C3: variants seen among roughly 807,000 people sequenced by gnomAD.
C3 encodes the protein C3 and PZP-like alpha-2-macroglobulin domain-containing protein 1.
C3 carries 97 observed loss-of-function variants against 207.9 expected under a neutral mutation model. That is an observed-to-expected ratio of 0.47 (90% confidence interval 0.40 to 0.55). The LOEUF (loss-of-function observed/expected upper bound fraction) is 0.55, where lower values mean the gene tolerates loss of function less well. Ranked by LOEUF, C3 falls within the 20% of genes least tolerant of loss-of-function variation. The pLI is 0.00. For synonymous variants in C3, 848 were observed against 857.6 expected (o/e 0.99, Z 0.20); for missense variants, 1,684 against 2,171.7 (o/e 0.78, Z 4.46).
intron 27 of C3, among the ~76,000 whole-genome samples, chr19:6,688,581 G>A (rs1599502717): frequency 6.6e-6 from 1 of 151,072 alleles, no homozygotes; most frequent in Non-Finnish European, 1.5e-5. Flanking sequence ...GTGCAGTGGC[G>A]CAATCTCGGC....
intron 26 of C3, among the ~76,000 whole-genome samples, chr19:6,691,305 G>A (rs1918162644): frequency 2.0e-5 from 3 of 152,000 alleles, no homozygotes; most frequent in Admixed American, 6.6e-5. Context: ...CACCTGCCTC[G>A]GCCTCCCACA....
chr19:6,681,958 T>C lies in C3; in HGVS notation c.4333A>G (p.Ile1445Val), dbSNP rs756200539. ...AGCCTTACCTTGTCCAGGTAGATGA[T>C]GAGGGTGTTCCTATCGGAGAAGGCT... Reference protein sequence around the residue: ...DKAFSDRNTLIIYLDKVSHSE... With the variant: ...DKAFSDRNTLVIYLDKVSHSE... The change falls in exon 35 of 41, where the codon ATC (isoleucine) becomes GTC (valine). Residue 1445 changes from isoleucine (I) to valine (V), a missense_variant. Physicochemically the swap from Ile to Val is conservative, Grantham distance 29 (BLOSUM62 3). Around this residue, in one of 3 missense-constraint regions of C3, gnomAD observed 346 missense variants for 380.1 expected, o/e 0.91. Transcript: ENST00000245907. 53 of 1,613,720 alleles carry C rather than the reference T, an allele frequency of 3.3e-5. No homozygotes were observed. Among genetic ancestry groups the C allele is most frequent in the Non-Finnish European group, 4.4e-5 (52 of 1,179,786 alleles).
intron 2 of C3, among the ~76,000 whole-genome samples, chr19:6,718,986 G>T (rs1968107832): frequency 7.3e-6 from 1 of 136,452 alleles, no homozygotes; most frequent in South Asian, 2.9e-4. Context: ...AAGGGGTGGG[G>T]GGGGGTCTCA....
intron 24 of C3, 73 bp downstream of exon 24, chr19:6,694,358 G>A (rs1918252788): frequency 5.1e-6 from 7 of 1,367,560 alleles, no homozygotes; most frequent in Admixed American, 3.4e-5. Context: ...GTCTTGAGAT[G>A]AGGTGGGATC....
chr19:6,710,622 G>A lies in C3; in HGVS notation c.1686+17C>T. 6.5e-7 allele frequency: 1 copy of A among 1,531,516 alleles called. No homozygotes were observed. The highest frequency in any genetic ancestry group is 9.0e-7 in the Non-Finnish European group (1 of 1,114,652). 94.9% of individuals were successfully genotyped at this position (1,531,516 alleles called of 1,614,324 possible). A position where few individuals can be genotyped will look rare whatever the true frequency, so the allele number is the denominator to read the frequency against. On this transcript the variant is annotated intron_variant, in intron 13 of 40. Coordinates refer to ENST00000245907, the MANE Select transcript of C3 (RefSeq NM_000064.4). ...AGGGAGAGGGAGAGGGGGCGAGCGA[G>A]CCCAGGGCACACTTACCGAGCCCAC...
intron 15 of C3, 129 bp from the exon 16 acceptor site, chr19:6,707,666 G>A (rs1311551918): frequency 2.6e-6 from 4 of 1,524,658 alleles, no homozygotes; most frequent in African/African-American, 1.4e-5. Flanking sequence ...CTGAGGCTCA[G>A]AGGGGAGGGA....
chr19:6,681,944 G>C lies in C3; in HGVS notation c.4347C>G (p.Asp1449Glu). 6.2e-7 allele frequency: 1 copy of C among 1,612,778 alleles called. No homozygotes were observed. Among genetic ancestry groups the C allele is most frequent in the Non-Finnish European group, 8.5e-7 (1 of 1,178,858 alleles). The change falls in exon 35 of 41, where the codon GAC (aspartate) becomes GAG (glutamate). Residue 1449 changes from aspartate (D) to glutamate (E), a missense_variant. Physicochemically the swap from Asp to Glu is conservative, Grantham distance 45 (BLOSUM62 2). This residue lies in a region of C3 where 346 missense variants were observed against 380.1 expected (regional missense o/e 0.91). Transcript: ENST00000245907. The stretch of plus-strand genomic sequence containing the variant: ...GGGGAGGATGATGCAGCCTTACCTT[G>C]TCCAGGTAGATGATGAGGGTGTTCC... ...SDRNTLIIYL[D>E]KVSHSEDDCL... is the part of the protein sequence containing the mutation.
intron 24 of C3, 71 bp from the exon 25 acceptor site, chr19:6,693,558 G>GGT (rs1326305214): frequency 7.0e-7 from 1 of 1,421,986 alleles, no homozygotes; most frequent in Non-Finnish European, 9.7e-7. Flanking sequence ...AAAGGGCAGG[G>GGT]GCGGGGTGCA....
Position 6,709,941 on chromosome 19 carries a change from T to TG in C3, c.1687-100dup, listed in dbSNP as rs1367664164. 4.5e-5 allele frequency: 36 copies of TG among 808,628 alleles called. No homozygotes were observed. The Admixed American group carries it at 1.2e-3, about 26-fold the overall frequency. The allele number at this position is 808,628 out of a possible 1,614,324, so 50.1% of individuals were successfully genotyped here. A position where few individuals can be genotyped will look rare whatever the true frequency, so the allele number is the denominator to read the frequency against. On this transcript the variant is annotated intron_variant, in intron 13 of 40. Transcript: ENST00000245907. ...GGCTAGAGTGGAAAGACAGAAAGGTTGGGGGGAGCCGTGGGGCTGGGGAGG... is the reference window on the plus strand; with the variant it reads ...GGCTAGAGTGGAAAGACAGAAAGGTTGGGGGGGAGCCGTGGGGCTGGGGAGG...
chr19:6,682,120 C>T, intron 34 of C3, 22 bp downstream of exon 34: 3 of 1,610,932 alleles, frequency 1.9e-6, no homozygotes, highest in South Asian at 2.2e-5. Context: ...TCCACTTATC[C>T]CAGCTCCTGA....
Position 6,707,141 on chromosome 19 carries a change from CAGTCCAGGA to C in C3, c.2171_2179del (p.Phe724_Asp726del). On this transcript the variant is annotated inframe_deletion, in exon 17 of 41. Coordinates refer to ENST00000245907, the MANE Select transcript of C3 (RefSeq NM_000064.4). ...CCGCAGCTCTGTGATGTAGTTGCAGCAGTCCAGGAAGACCTTCTTGCACGCCTCGCCCAG... is the reference window on the plus strand; with the variant it reads ...CCGCAGCTCTGTGATGTAGTTGCAGCAGACCTTCTTGCACGCCTCGCCCAG... 6.2e-7 allele frequency: 1 copy of C among 1,613,740 alleles called. No homozygotes were observed. Among genetic ancestry groups the C allele is most frequent in the Non-Finnish European group, 8.5e-7 (1 of 1,179,898 alleles).
At position 6,684,796 on chromosome 19, in the gene C3, T is replaced by G; in HGVS notation, c.4008A>C (p.Gly1336=). Residue 1336 remains glycine, a synonymous_variant, in exon 31 of 41, where the codon GGA becomes GGC. Coordinates refer to ENST00000245907, the MANE Select transcript of C3 (RefSeq NM_000064.4). ...TTACCGACAAGGTGCCTTGGCCTTTTCCTTCAGCTGTGACTGTGAAACCCT... is the reference window on the plus strand; with the variant it reads ...TTACCGACAAGGTGCCTTGGCCTTTGCCTTCAGCTGTGACTGTGAAACCCT... The part of the protein sequence containing the change: ...ENEGFTVTAE[G]KGQGTLSVVT... 6.2e-7 allele frequency: 1 copy of G among 1,614,232 alleles called. No individual in the cohort carries two copies. Among genetic ancestry groups the G allele is most frequent in the Non-Finnish European group, 8.5e-7 (1 of 1,180,034 alleles).
Position 6,719,167 on chromosome 19 carries a change from G to A in C3, c.267+44C>T. The A allele has an allele frequency of 3.9e-6, 6 of 1,541,274 alleles. No homozygotes were observed. The highest frequency in any genetic ancestry group is 5.4e-6 in the Non-Finnish European group (6 of 1,113,938). ...GCTCAGGAGGAGGGGGGGAGTGGGC[G>A]TGGCTGTGGGTGTCAGCCGGGTCCT... On this transcript the variant is annotated intron_variant, in intron 2 of 40. Coordinates refer to ENST00000245907, the MANE Select transcript of C3 (RefSeq NM_000064.4). This position sits in a 1 kb window ranked among gnomAD's most constrained non-coding sequence, Gnocchi z 5.4.
chr19:6,688,076 C>T (rs1303266866), intron 27 of C3, among the ~76,000 whole-genome samples: 1 of 149,300 alleles, frequency 6.7e-6, no homozygotes, highest in African/African-American at 2.5e-5. Context: ...GATCTCCTGA[C>T]CTCGTGATCC....
At chr19:6,699,621 C>T (rs1967604158) in intron 19 of C3, among the ~76,000 whole-genome samples, 1 of 146,470 alleles carries the variant, frequency 6.8e-6, no homozygotes, top group African/African-American at 2.5e-5. Context: ...GCACTCCATC[C>T]TAGGTGACAG....
Position 6,711,111 on chromosome 19 carries a change from G to C in C3, c.1355C>G (p.Ser452Cys). The C allele has an allele frequency of 6.2e-7, 1 of 1,614,122 alleles. No homozygotes were observed. The change falls in exon 12 of 41, where the codon TCC (serine) becomes TGC (cysteine). Residue 452 changes from serine to cysteine, a missense_variant. By Grantham distance (112) the Ser-to-Cys change is moderately radical. Transcript: ENST00000245907. ...CACTGAGAGATGCAGGTAATTGTTG[G>C]AGTTGCCCACGGTGCTGTAGGGCAG... is the stretch of plus-strand genomic sequence containing the variant. ...QALPYSTVGNSNNYLHLSVLR... is the reference protein window; with the variant it reads ...QALPYSTVGNCNNYLHLSVLR...
chr19:6,689,287 A>ACCCCACAGTCCCGCAC (rs747719619), intron 27 of C3, among the ~76,000 whole-genome samples: 1 of 101,630 alleles, frequency 9.8e-6, no homozygotes. Flanking sequence ...GATTTGTCTG[A>ACCCCACAGTCCCGCAC]CCCCACCTCT....
intron 23 of C3, among the ~76,000 whole-genome samples, chr19:6,695,958 C>T (rs1967522531): frequency 6.6e-6 from 1 of 151,894 alleles, no homozygotes; most frequent in Admixed American, 6.6e-5. Flanking sequence ...GCCTGTAATC[C>T]CAGCACTTTG....
chr19:6,708,740 G>C (rs1352481339), intron 14 of C3, among the ~76,000 whole-genome samples: 1 of 142,334 alleles, frequency 7.0e-6, no homozygotes, highest in Non-Finnish European at 1.5e-5. Flanking sequence ...AGGCTGGAGT[G>C]CAGTGGTGCA....
Sources: gnomAD v4.1 joint callset for allele counts (sites outside exome capture counted in the v4.1 genomes callset) on GRCh38, gnomAD v4.1.1 for gene constraint, gnomAD v4.1.1 regional missense constraint, Gnocchi (gnomAD v3.1) non-coding constraint, MANE v1.5 for transcripts, NCBI Gene and HGNC (gene_info 2026-07-23, HGNC 2026-07-21) for gene names.